Variants in FKTN observed in about 807,000 individuals in gnomAD.
FKTN encodes ribitol-5-phosphate transferase FKTN.
Under a neutral mutation model 58.6 loss-of-function variants are expected in FKTN, and 47 were observed. The observed-to-expected ratio is 0.80, with a 90% confidence interval of 0.63 to 1.02. FKTN has a LOEUF of 1.02. Ranked by LOEUF, FKTN falls within the 50% of genes least tolerant of loss-of-function variation. The pLI, the probability that FKTN is intolerant of heterozygous loss-of-function variation, is 0.00. For synonymous variants in FKTN, 178 were observed against 191.9 expected, an observed-to-expected ratio of 0.93 and a Z score of 0.60; for missense variants, 516 against 537.3, an observed-to-expected ratio of 0.96 and a Z score of 0.39.
At chr9:105,571,550 A>G (rs951067317) in intron 1 of FKTN, among the ~76,000 whole-genome samples, 5 of 152,190 alleles carry the variant, frequency 3.3e-5, no homozygotes, top group African/African-American at 1.2e-4. Flanking sequence ...AGAAGAAAGA[A>G]CAAGATATTA....
rs1480653744 is a variant in FKTN at position 105,619,847 on chromosome 9, GTTTC to G, written c.1045-83_1045-80del. The G allele has an allele frequency of 9.6e-6, 12 of 1,250,740 alleles. No individual in the cohort carries two copies. The East Asian group carries it at 1.3e-4, about 14-fold the overall frequency. The allele number at this position is 1,250,740 out of a possible 1,614,324, so 77.5% of individuals were successfully genotyped here. ...CTATGTATGTAAAACTTAAGAATCT[GTTTC>G]TTTATTTTTATTTTTTAAAAAAAGG... On this transcript the variant is annotated intron_variant, in intron 9 of 10. Coordinates refer to ENST00000357998, the MANE Select transcript of FKTN (RefSeq NM_001079802.2).
chr9:105,567,612 G>C lies in FKTN; in HGVS notation c.-180-6043G>C, dbSNP rs979034433. On this transcript the variant is annotated intron_variant, in intron 1 of 10. Transcript: ENST00000357998. ...ATGTGAAGGACCTCTTTAAGGAGAA[G>C]TACAAACCACTGCTCAACGAAATAA... 5.3e-5 allele frequency among the ~76,000 whole-genome samples: 8 copies of C among 152,234 alleles called. No individual in the cohort carries two copies. The East Asian group carries it at 5.8e-4, about 11-fold the overall frequency.
In FKTN at chr9:105,636,282, T is replaced by A. The variant is rs16924759; in HGVS notation, c.*1018T>A. The A allele has an allele frequency of 4.8e-4, 454 of 954,880 alleles. 6 individuals carry two copies. The Admixed American group carries it at 0.016, about 34-fold the overall frequency. 59.2% of individuals were successfully genotyped at this position (954,880 alleles called of 1,614,324 possible). A position where few individuals can be genotyped will look rare whatever the true frequency, so the allele number is the denominator to read the frequency against. On this transcript the variant is annotated 3_prime_UTR_variant, in exon 11 of 11. Coordinates refer to ENST00000357998, the MANE Select transcript of FKTN (RefSeq NM_001079802.2). ...TTCATTTATCAATTACAGCTTCGTATCTCTAATTTATGGTCTATATACCAA... is the reference window on the plus strand; with the variant it reads ...TTCATTTATCAATTACAGCTTCGTAACTCTAATTTATGGTCTATATACCAA...
chr9:105,603,238 TGCC>T (rs1163839303), intron 5 of FKTN, among the ~76,000 whole-genome samples: 1 of 152,216 alleles, frequency 6.6e-6, no homozygotes, highest in Non-Finnish European at 1.5e-5. Flanking sequence ...CAGCTGATAA[TGCC>T]TTTCTTTTAT....
intron 9 of FKTN, among the ~76,000 whole-genome samples, chr9:105,618,941 C>T (rs1232163535): frequency 6.6e-6 from 1 of 152,058 alleles, no homozygotes; most frequent in East Asian, 1.9e-4. Context: ...CGCCTGTAGT[C>T]CCAGCTACTG....
chr9:105,608,843 A>C (rs1277577736), intron 7 of FKTN, among the ~76,000 whole-genome samples: 2 of 150,738 alleles, frequency 1.3e-5, no homozygotes, highest in East Asian at 3.8e-4. Context: ...CATGAATAAA[A>C]AGCTGAAAAA....
intron 10 of FKTN, among the ~76,000 whole-genome samples, chr9:105,632,402 A>G (rs1833579764): frequency 7.2e-6 from 1 of 138,070 alleles, no homozygotes; most frequent in South Asian, 2.2e-4. Flanking sequence ...CATGTACCCT[A>G]AAACTTAAAA....
At chr9:105,626,834 A>G (rs571577783) in intron 10 of FKTN, among the ~76,000 whole-genome samples, 4 of 152,188 alleles carry the variant, frequency 2.6e-5, no homozygotes, top group East Asian at 1.9e-4. Flanking sequence ...CCTTGACTTA[A>G]TGAAGGCAAG....
chr9:105,640,136 C>G lies in FKTN; in HGVS notation c.*4872C>G. On this transcript the variant is annotated 3_prime_UTR_variant, in exon 11 of 11. Coordinates refer to ENST00000357998, the MANE Select transcript of FKTN (RefSeq NM_001079802.2). ...GCAGGGTGCATGATGCCATTTTAAG[C>G]TGCTTCACATCAGACTGAAATCCTA... 2 of 1,535,438 alleles carry G rather than the reference C, an allele frequency of 1.3e-6. No individual in the cohort carries two copies. Among genetic ancestry groups the G allele is most frequent in the Non-Finnish European group, 1.7e-6 (2 of 1,146,742 alleles).
intron 3 of FKTN, among the ~76,000 whole-genome samples, chr9:105,587,704 G>A (rs1321313452): frequency 1.3e-5 from 2 of 152,106 alleles, no homozygotes; most frequent in East Asian, 1.9e-4. Flanking sequence ...AGAATTGAAG[G>A]GTGTTTTTAT....
chr9:105,634,913 A>G (rs1432548365), intron 10 of FKTN, 138 bp from the exon 11 acceptor site: 1 of 775,306 alleles, frequency 1.3e-6, no homozygotes. Flanking sequence ...GACAGTCAAA[A>G]ATAATTAAAT....
At position 105,638,750 on chromosome 9, in the gene FKTN, C is replaced by G. The variant is rs951409831; in HGVS notation, c.*3486C>G. ...TATCTAGTTTTTAGTATTTAAACTA[C>G]TTTTAATTATTTATATTGATACTCT... On this transcript the variant is annotated 3_prime_UTR_variant, in exon 11 of 11. Transcript: ENST00000357998. 2.1e-6 allele frequency: 2 copies of G among 972,582 alleles called. No individual in the cohort carries two copies. Among genetic ancestry groups the G allele is most frequent in the Non-Finnish European group, 2.4e-6 (2 of 818,386 alleles). 60.2% of individuals were successfully genotyped at this position (972,582 alleles called of 1,614,324 possible). A position where few individuals can be genotyped will look rare whatever the true frequency, so the allele number is the denominator to read the frequency against.
intron 3 of FKTN, among the ~76,000 whole-genome samples, chr9:105,579,422 T>C (rs1467602581): frequency 6.6e-6 from 1 of 152,040 alleles, no homozygotes; most frequent in Non-Finnish European, 1.5e-5. Flanking sequence ...TTTCGTTATG[T>C]ACCCAGTAGT....
chr9:105,610,134 A>T (rs1829640151), intron 7 of FKTN, among the ~76,000 whole-genome samples: 2 of 151,476 alleles, frequency 1.3e-5, no homozygotes, highest in Admixed American at 1.3e-4. Flanking sequence ...TTTTTTGAAC[A>T]CTTTAGTACT....
intron 10 of FKTN, among the ~76,000 whole-genome samples, chr9:105,625,524 A>G (rs1418974983): frequency 1.3e-5 from 2 of 152,138 alleles, no homozygotes; most frequent in African/African-American, 4.8e-5. Flanking sequence ...TGTTCTTGCT[A>G]GTGTGTGTAG....
chr9:105,640,117 T>C lies in FKTN; in HGVS notation c.*4853T>C. The C allele has an allele frequency of 1.3e-6, 2 of 1,535,322 alleles. No homozygotes were observed. The highest frequency in any genetic ancestry group is 1.7e-6 in the Non-Finnish European group (2 of 1,146,592). Reference sequence around the variant, plus strand: ...CTCAACTAGGCAAGAATCAGCAGGGTGCATGATGCCATTTTAAGCTGCTTC... The same window carrying C: ...CTCAACTAGGCAAGAATCAGCAGGGCGCATGATGCCATTTTAAGCTGCTTC... On this transcript the variant is annotated 3_prime_UTR_variant, in exon 11 of 11. Transcript: ENST00000357998.
chr9:105,585,909 A>C (rs747733499), intron 3 of FKTN, among the ~76,000 whole-genome samples: 2 of 152,182 alleles, frequency 1.3e-5, no homozygotes, highest in African/African-American at 2.4e-5. Context: ...CTTCAAGGTA[A>C]TTTTCAGAGA....
chr9:105,586,105 T>G (rs1298714635), intron 3 of FKTN, among the ~76,000 whole-genome samples: 1 of 152,184 alleles, frequency 6.6e-6, no homozygotes, highest in Non-Finnish European at 1.5e-5. Context: ...CTTTTGACCA[T>G]TTTGAGGGCC....
At chr9:105,578,289 T>C (rs1236916413) in intron 3 of FKTN, among the ~76,000 whole-genome samples, 1 of 149,076 alleles carries the variant, frequency 6.7e-6, no homozygotes, top group East Asian at 1.9e-4. Context: ...CCATTCAGTA[T>C]GATATTGGCT....
Sources: allele counts gnomAD v4.1 joint callset (sites outside exome capture counted in the v4.1 genomes callset), GRCh38; gene constraint gnomAD v4.1.1; transcripts MANE v1.5; gene names NCBI Gene and HGNC (gene_info 2026-07-23, HGNC 2026-07-21).